The following ATP9B variants were observed in gnomAD, a reference collection of about 807,000 sequenced individuals.
The protein encoded by ATP9B is ATPase phospholipid transporting 9B.
In ATP9B, 110 loss-of-function variants were observed where a neutral mutation model predicts 146.1. That is an observed-to-expected ratio of 0.75 (90% CI 0.65 to 0.88). The LOEUF (loss-of-function observed/expected upper bound fraction) is 0.88. Ranked by LOEUF, ATP9B falls within the 40% of genes least tolerant of loss-of-function variation. The pLI is 0.00. For synonymous variants in ATP9B, 604 were observed against 569.7 expected, an observed-to-expected ratio of 1.06 and a Z score of -0.86; for missense variants, 1,499 against 1,496.4, an observed-to-expected ratio of 1.00 and a Z score of -0.03.
chr18:79,249,510 T>A (rs2096002303), intron 11 of ATP9B, among the ~76,000 whole-genome samples: 1 of 152,164 alleles, frequency 6.6e-6, no homozygotes, highest in Non-Finnish European at 1.5e-5. Context: ...TAAATAGTCG[T>A]AATTACTTCA....
At chr18:79,310,537 CAGA>C (rs745927715) in intron 15 of ATP9B, among the ~76,000 whole-genome samples, 1 of 152,174 alleles carries the variant, frequency 6.6e-6, no homozygotes, top group African/African-American at 2.4e-5. Flanking sequence ...CTTCTAGAAG[CAGA>C]AGAATTCTAC....
At chr18:79,228,248 T>C (rs2148549562) in intron 11 of ATP9B, among the ~76,000 whole-genome samples, 1 of 152,342 alleles carries the variant, frequency 6.6e-6, no homozygotes, top group South Asian at 2.1e-4. Flanking sequence ...GCACATCTGT[T>C]GTACCAGACT....
chr18:79,167,573 G>A (rs920263853), intron 7 of ATP9B, among the ~76,000 whole-genome samples: 2 of 152,156 alleles, frequency 1.3e-5, no homozygotes, highest in African/African-American at 4.8e-5. Context: ...CCCGGAGTGG[G>A]TAGCTCCTTC....
chr18:79,240,612 G>C (rs546898234), intron 11 of ATP9B, among the ~76,000 whole-genome samples: 2 of 152,180 alleles, frequency 1.3e-5, no homozygotes, highest in Admixed American at 6.5e-5. Context: ...GGGTGTGGTG[G>C]TGCATGCCTG....
intron 12 of ATP9B, among the ~76,000 whole-genome samples, chr18:79,274,324 C>T (rs2096284431): frequency 6.6e-6 from 1 of 152,144 alleles, no homozygotes; most frequent in African/African-American, 2.4e-5. Flanking sequence ...ATCTGAGCAT[C>T]ATGGAGATTT....
rs2096316772 is a variant in ATP9B at position 79,276,931 on chromosome 18, A to ATGAACTTGGACATGGGTC, written c.1269-120_1269-103dup. 4 of 1,469,772 alleles carry ATGAACTTGGACATGGGTC rather than the reference A, an allele frequency of 2.7e-6. No homozygotes were observed. The East Asian group carries it at 9.2e-5, about 34-fold the overall frequency. The allele number at this position is 1,469,772 out of a possible 1,614,324, so 91.0% of individuals were successfully genotyped here. A position where few individuals can be genotyped will look rare whatever the true frequency, so the allele number is the denominator to read the frequency against. On this transcript the variant is annotated intron_variant, in intron 12 of 29. Transcript: ENST00000426216. The stretch of plus-strand genomic sequence containing the variant: ...GTGGGTTTTATCTGGCAGTTTGGGT[A>ATGAACTTGGACATGGGTC]TGAACTTGGACATGGGTCTGGATCA...
chr18:79,284,232 CT>C (rs1269993467), intron 13 of ATP9B, among the ~76,000 whole-genome samples: 1 of 152,296 alleles, frequency 6.6e-6, no homozygotes, highest in East Asian at 1.9e-4. Context: ...TAAACCAAGT[CT>C]CTTATGCATG....
Position 79,303,717 on chromosome 18 carries a change from G to A in ATP9B, c.1524+1G>A, listed in dbSNP as rs758646420. 1 of 1,612,262 alleles carries A rather than the reference G, an allele frequency of 6.2e-7. No individual in the cohort carries two copies. The highest frequency in any genetic ancestry group is 8.5e-7 in the Non-Finnish European group (1 of 1,178,716). On this transcript the variant is annotated splice_donor_variant, in intron 14 of 29. Transcript: ENST00000426216. LOFTEE classifies it high-confidence loss of function. ...CCATGTCAGGGACTCCTACTCACAG[G>A]TAAGTGGGTTCCTCCTGCACGGGGT...
At chr18:79,327,567 T>C (rs1330147034) in intron 15 of ATP9B, among the ~76,000 whole-genome samples, 1 of 129,560 alleles carries the variant, frequency 7.7e-6, no homozygotes, top group African/African-American at 3.0e-5. Flanking sequence ...GTGCTCTCCG[T>C]GGTTAGCGTG....
chr18:79,245,613 ACCCTACTGACTGGGGAGGGTACCG>A (rs1285705153), intron 11 of ATP9B, among the ~76,000 whole-genome samples: 1 of 61,960 alleles, frequency 1.6e-5, no homozygotes, highest in Non-Finnish European at 4.1e-5. Flanking sequence ...GGAGGGTACC[ACCCTACTGACTGGGGAGGGTACCG>A]CCCTACTGAC....
At chr18:79,342,156 T>C (rs535991463) in intron 19 of ATP9B, 112 bp from the exon 20 acceptor site, 5 of 737,624 alleles carry the variant, frequency 6.8e-6, no homozygotes, top group South Asian at 3.1e-5. Flanking sequence ...CATTTATCTA[T>C]TGACGGGCAC....
intron 7 of ATP9B, among the ~76,000 whole-genome samples, chr18:79,163,869 T>TACACACACACAC (rs56408063): frequency 0.013 from 1,871 of 142,752 alleles, 23 homozygotes; most frequent in East Asian, 0.048. Context: ...TTTTATTTTA[T>TACACACACACAC]ACACACACAC....
At chr18:79,350,231 T>C (rs2096915394) in intron 25 of ATP9B, among the ~76,000 whole-genome samples, 1 of 152,174 alleles carries the variant, frequency 6.6e-6, no homozygotes, top group Non-Finnish European at 1.5e-5. Context: ...TGTCCTGTGG[T>C]CTTAAAAATC....
chr18:79,255,727 C>T (rs886930839), intron 12 of ATP9B, among the ~76,000 whole-genome samples: 7 of 152,170 alleles, frequency 4.6e-5, no homozygotes, highest in African/African-American at 1.4e-4. Flanking sequence ...GGGGTCGAGT[C>T]TCTGGTTCTC....
chr18:79,309,520 C>T (rs1241138), intron 15 of ATP9B, among the ~76,000 whole-genome samples: 1 of 144,778 alleles, frequency 6.9e-6, no homozygotes, highest in Admixed American at 7.0e-5. Flanking sequence ...TGATCTCCAG[C>T]AGGTAGAAGG....
Position 79,305,599 on chromosome 18 carries a change from T to TA in ATP9B, c.1525-1375dup, listed in dbSNP as rs898110756. ...ATAGTACCAGATGAGCTCTGCTTTT[T>TA]AAAAAAAAAAAATTATCTATGAATG... On this transcript the variant is annotated intron_variant, in intron 14 of 29. Transcript: ENST00000426216. Among the ~76,000 whole-genome samples, 1,029 of 149,744 alleles carry TA rather than the reference T, an allele frequency of 6.9e-3. 6 individuals carry two copies. The highest frequency in any genetic ancestry group is 0.023 in the African/African-American group (923 of 40,916).
At chr18:79,209,734 G>A (rs1314256168) in intron 10 of ATP9B, 1 of 933,996 alleles carries the variant, frequency 1.1e-6, no homozygotes, top group Non-Finnish European at 1.3e-6. Flanking sequence ...TACCTTTAAT[G>A]TTAGTTTGTA....
chr18:79,186,209 T>C (rs924181026), intron 8 of ATP9B, among the ~76,000 whole-genome samples: 1 of 152,230 alleles, frequency 6.6e-6, no homozygotes. Context: ...TTAATTAGTT[T>C]TATTGAACGA....
chr18:79,173,643 G>A, intron 7 of ATP9B: 1 of 450,520 alleles, frequency 2.2e-6, no homozygotes, highest in Admixed American at 2.4e-5. Context: ...TATGTTGGGG[G>A]GACTCTCTCT....
Sources: gnomAD v4.1 joint callset for allele counts (sites outside exome capture counted in the v4.1 genomes callset) on GRCh38, gnomAD v4.1.1 for gene constraint, MANE v1.5 for transcripts, NCBI Gene and HGNC (gene_info 2026-07-23, HGNC 2026-07-21) for gene names.